STK3: variants seen among roughly 807,000 people sequenced by gnomAD.
STK3 encodes serine/threonine kinase 3.
STK3 carries 41 observed loss-of-function variants against 58.0 expected under a neutral mutation model. The observed-to-expected ratio is 0.71, with a 90% confidence interval of 0.55 to 0.92. STK3 has a LOEUF of 0.92. STK3 is among the 40% of genes least tolerant of loss of function. STK3 has a pLI of 0.00. For missense variants in STK3, 479 were observed against 602.7 expected, an observed-to-expected ratio of 0.79 and a Z score of 2.15; for synonymous variants, 170 against 191.0, an observed-to-expected ratio of 0.89 and a Z score of 0.91.
intron 3 of STK3, among the ~76,000 whole-genome samples, chr8:98,859,065 AG>A (rs1300196779): frequency 6.6e-6 from 1 of 152,210 alleles, no homozygotes; most frequent in Non-Finnish European, 1.5e-5. Flanking sequence ...TTACAGAGAA[AG>A]GGGAGAAATA....
At chr8:98,706,047 A>G (rs1011969800) in intron 6 of STK3, among the ~76,000 whole-genome samples, 12 of 151,914 alleles carry the variant, frequency 7.9e-5, no homozygotes, top group African/African-American at 2.7e-4. Context: ...ACCAAAGAAG[A>G]GAAAAGGCAG....
At chr8:98,778,812 T>C (rs1193127117) in intron 1 of STK3, 1 of 151,924 alleles carries the variant, frequency 6.6e-6, no homozygotes, top group Non-Finnish European at 1.5e-5. Context: ...TTCTCACTCA[T>C]AGGTGGGAAT....
chr8:98,886,069 G>T (rs1374642706), intron 1 of STK3, among the ~76,000 whole-genome samples: 3 of 152,156 alleles, frequency 2.0e-5, no homozygotes, highest in African/African-American at 7.2e-5. Context: ...AGGGCGAAAG[G>T]CATGACTATA....
chr8:98,798,106 AAT>A (rs1833296448), intron 1 of STK3, among the ~76,000 whole-genome samples: 1 of 152,228 alleles, frequency 6.6e-6, no homozygotes, highest in Non-Finnish European at 1.5e-5. Flanking sequence ...ATGATACAGC[AAT>A]AGAGGCAGCA....
chr8:98,368,496 C>T (rs1817584746), downstream of STK3, among the ~76,000 whole-genome samples: 1 of 152,186 alleles, frequency 6.6e-6, no homozygotes, highest in Non-Finnish European at 1.5e-5. Flanking sequence ...GACATGCTAA[C>T]ATGGGAGCAC....
intron 4 of STK3, among the ~76,000 whole-genome samples, chr8:98,711,976 A>G (rs1014518743): frequency 1.1e-4 from 16 of 152,242 alleles, no homozygotes; most frequent in Admixed American, 1.0e-3. Flanking sequence ...GGGGGCCAAT[A>G]GTCAAGATTC....
intron 6 of STK3, among the ~76,000 whole-genome samples, chr8:98,694,020 G>A (rs1452300170): frequency 6.6e-6 from 1 of 152,080 alleles, no homozygotes; most frequent in Admixed American, 6.5e-5. Context: ...GTAGTGCCAT[G>A]GGATTTCCAA....
At chr8:98,347,575 C>T in the STK3 span, among the ~76,000 whole-genome samples, 5 of 150,496 alleles carry the variant, frequency 3.3e-5, no homozygotes, top group African/African-American at 4.9e-5. Flanking sequence ...AGGCAGAAAT[C>T]GAGAAAAATG....
intron 6 of STK3, among the ~76,000 whole-genome samples, chr8:98,605,433 CTTTTT>C (rs1008693603): frequency 7.5e-6 from 1 of 132,862 alleles, no homozygotes. Flanking sequence ...GCAAGCACAC[CTTTTT>C]TTTTTTTTTT....
the STK3 span, among the ~76,000 whole-genome samples, chr8:98,344,098 C>T: frequency 3.0e-4 from 46 of 152,242 alleles, no homozygotes; most frequent in African/African-American, 8.4e-4. Flanking sequence ...TTCTGAAGTG[C>T]ATTTATTTGA....
intron 6 of STK3, among the ~76,000 whole-genome samples, chr8:98,678,952 G>T (rs1216538133): frequency 2.6e-5 from 4 of 152,056 alleles, no homozygotes; most frequent in Non-Finnish European, 4.4e-5. Context: ...GATAGACTAG[G>T]AAAGGACCAT....
chr8:98,532,229 T>C lies in STK3; in HGVS notation c.1142-5312A>G, dbSNP rs571604618. 4.9e-4 allele frequency among the ~76,000 whole-genome samples: 74 copies of C among 152,288 alleles called. 2 individuals carry two copies. The South Asian group carries it at 0.015, about 32-fold the overall frequency. On this transcript the variant is annotated intron_variant, in intron 9 of 10. Coordinates refer to ENST00000419617, the MANE Select transcript of STK3 (RefSeq NM_006281.4). ...AAGTGAGAGATGTGTGACTCTTCCT[T>C]TCACTTTAGCACATAGAGGCCATTG...
At chr8:98,783,505 G>T (rs867877541) in intron 1 of STK3, among the ~76,000 whole-genome samples, 1 of 152,154 alleles carries the variant, frequency 6.6e-6, no homozygotes, top group Non-Finnish European at 1.5e-5. Context: ...AAATCTTTTT[G>T]CTGGTGGAGA....
At chr8:98,841,286 T>C (rs1181817609) in intron 3 of STK3, among the ~76,000 whole-genome samples, 4 of 152,198 alleles carry the variant, frequency 2.6e-5, no homozygotes, top group African/African-American at 9.7e-5. Flanking sequence ...GAGGGAGGGA[T>C]ATGTTCATTG....
intron 7 of STK3, among the ~76,000 whole-genome samples, chr8:98,593,312 A>G (rs76040292): frequency 0.031 from 4,772 of 152,360 alleles, 99 homozygotes; most frequent in Middle Eastern, 0.068. Flanking sequence ...TTAAAAATCC[A>G]TCAGGAATTT....
At chr8:98,610,221 A>G (rs1191676554) in intron 6 of STK3, among the ~76,000 whole-genome samples, 1 of 152,090 alleles carries the variant, frequency 6.6e-6, no homozygotes, top group African/African-American at 2.4e-5. Flanking sequence ...TGATTACAAA[A>G]TGAGAAAAAA....
intron 3 of STK3, among the ~76,000 whole-genome samples, chr8:98,869,951 C>T (rs1006888957): frequency 6.6e-6 from 1 of 151,928 alleles, no homozygotes; most frequent in Non-Finnish European, 1.5e-5. Flanking sequence ...CCCGTTAACT[C>T]GTCATTTACA....
At chr8:98,409,033 C>T (rs566191885) in intron 3 of STK3, among the ~76,000 whole-genome samples, 27 of 152,308 alleles carry the variant, frequency 1.8e-4, no homozygotes, top group Admixed American at 6.5e-4. Flanking sequence ...ACCCTGACCT[C>T]GCACTCCTCT....
chr8:98,549,926 G>C (rs904818548), intron 8 of STK3, among the ~76,000 whole-genome samples: 3 of 152,094 alleles, frequency 2.0e-5, no homozygotes, highest in African/African-American at 7.2e-5. Flanking sequence ...AAGACTGCCT[G>C]AGCTCAAGAG....
Sources: gnomAD v4.1 joint callset for allele counts (sites outside exome capture counted in the v4.1 genomes callset) on GRCh38, gnomAD v4.1.1 for gene constraint, MANE v1.5 for transcripts, NCBI Gene and HGNC (gene_info 2026-07-23, HGNC 2026-07-21) for gene names.